CTNND2: variants seen among roughly 807,000 people sequenced by gnomAD.
The protein encoded by CTNND2 is catenin delta 2, also known as catenin delta-2.
In CTNND2, 22 loss-of-function variants were observed where a neutral mutation model predicts 144.4. That is an observed-to-expected ratio of 0.15 (90% CI 0.11 to 0.22). The LOEUF is 0.22. CTNND2 is among the 10% of genes least tolerant of loss of function. The pLI is 1.00. For missense variants in CTNND2, 1,353 were observed against 1,618.8 expected, an observed-to-expected ratio of 0.84 and a Z score of 2.82; for synonymous variants, 751 against 695.6, an observed-to-expected ratio of 1.08 and a Z score of -1.25.
At chr5:11,305,108 G>A (rs1178265021) in intron 9 of CTNND2, among the ~76,000 whole-genome samples, 1 of 152,178 alleles carries the variant, frequency 6.6e-6, no homozygotes, top group Non-Finnish European at 1.5e-5. Flanking sequence ...TGTCTTACCA[G>A]GTGCTAATGT....
At chr5:10,975,004 T>A (rs1738622247) in intron 21 of CTNND2, among the ~76,000 whole-genome samples, 1 of 152,182 alleles carries the variant, frequency 6.6e-6, no homozygotes, top group Non-Finnish European at 1.5e-5. Context: ...GGTAGCTGAA[T>A]GAATGAGGTT....
At chr5:11,260,222 CA>C (rs1187902618) in intron 9 of CTNND2, among the ~76,000 whole-genome samples, 2 of 152,124 alleles carry the variant, frequency 1.3e-5, no homozygotes, top group Non-Finnish European at 2.9e-5. Context: ...GACAAAGACT[CA>C]TGCTGAGAGG....
Position 11,022,832 on chromosome 5 carries a change from T to G in CTNND2, c.2936A>C (p.Lys979Thr). ...EVITKNMENA[K>T]ALRDAGGIEK... is the part of the protein sequence containing the mutation. ...GATGCCACCGGCATCCCGTAAGGCC[T>G]TGGCGTTCTCCATGTTCTTGGTAAT... Residue 979 changes from lysine (K) to threonine (T), a missense_variant, in exon 17 of 22, where the codon AAG (lysine) becomes ACG (threonine). Lys to Thr is a moderately conservative substitution (Grantham distance 78). This residue lies in a region of CTNND2 where 459 missense variants were observed against 674.3 expected (regional missense o/e 0.68). Coordinates refer to ENST00000304623, the MANE Select transcript of CTNND2 (RefSeq NM_001332.4). 2.5e-6 allele frequency: 4 copies of G among 1,614,248 alleles called. No homozygotes were observed. Among genetic ancestry groups the G allele is most frequent in the Non-Finnish European group, 3.4e-6 (4 of 1,180,026 alleles).
intron 2 of CTNND2, among the ~76,000 whole-genome samples, chr5:11,649,359 C>A (rs1782532068): frequency 6.6e-6 from 1 of 152,060 alleles, no homozygotes; most frequent in Non-Finnish European, 1.5e-5. Flanking sequence ...GCTCTGTCAC[C>A]CAGGCTGGAG....
chr5:11,427,199 T>C (rs897632706), intron 3 of CTNND2, among the ~76,000 whole-genome samples: 1 of 152,046 alleles, frequency 6.6e-6, no homozygotes, highest in Admixed American at 6.6e-5. Flanking sequence ...CTATGACGAG[T>C]TGAGAGCAAG....
chr5:11,563,220 A>T (rs1776813716), intron 3 of CTNND2, among the ~76,000 whole-genome samples: 1 of 152,216 alleles, frequency 6.6e-6, no homozygotes, highest in Admixed American at 6.5e-5. Flanking sequence ...AAAGGTATAC[A>T]ACATGGGAAA....
chr5:11,362,795 T>C (rs750502589), intron 8 of CTNND2, among the ~76,000 whole-genome samples: 61 of 152,236 alleles, frequency 4.0e-4, no homozygotes, highest in South Asian at 8.3e-4. Flanking sequence ...TCATTCTGGA[T>C]AGCTCTCCAT....
intron 9 of CTNND2, among the ~76,000 whole-genome samples, chr5:11,270,574 GA>G (rs1745897846): frequency 6.6e-6 from 1 of 151,964 alleles, no homozygotes; most frequent in Admixed American, 6.6e-5. Context: ...ATTCAACAGG[GA>G]GACAATAGAT....
intron 2 of CTNND2, among the ~76,000 whole-genome samples, chr5:11,637,126 T>G (rs1338681140): frequency 6.6e-6 from 1 of 152,182 alleles, no homozygotes; most frequent in Non-Finnish European, 1.5e-5. Context: ...TATATATTTT[T>G]TAAGAAAAAA....
chr5:11,522,985 T>A (rs922924107), intron 3 of CTNND2, among the ~76,000 whole-genome samples: 6 of 152,218 alleles, frequency 3.9e-5, no homozygotes, highest in African/African-American at 1.4e-4. Flanking sequence ...CCAACATTTC[T>A]GATATCAAGT....
chr5:11,588,860 G>A (rs977700637), intron 2 of CTNND2: 16 of 985,172 alleles, frequency 1.6e-5, no homozygotes, highest in Middle Eastern at 5.1e-4. Flanking sequence ...TGGAGCAGGC[G>A]GTTCCTGGCA....
At chr5:11,273,332 G>A (rs1163877655) in intron 9 of CTNND2, among the ~76,000 whole-genome samples, 2 of 152,064 alleles carry the variant, frequency 1.3e-5, no homozygotes, top group African/African-American at 4.8e-5. Context: ...GTCTCAAGTG[G>A]ACACATGGGG....
intron 3 of CTNND2, among the ~76,000 whole-genome samples, chr5:11,428,922 T>C (rs567178496): frequency 4.6e-5 from 7 of 152,350 alleles, no homozygotes; most frequent in Admixed American, 4.6e-4. Flanking sequence ...TATATTAATA[T>C]TAAATACTTT....
At chr5:11,364,928 G>C in intron 7 of CTNND2, 38 bp from the exon 8 acceptor site, 1 of 1,550,662 alleles carries the variant, frequency 6.4e-7, no homozygotes, top group South Asian at 1.2e-5. Context: ...AAGCTCAGGC[G>C]ACCTCCAAAC....
intron 2 of CTNND2, among the ~76,000 whole-genome samples, chr5:11,621,259 A>G (rs553018767): frequency 1.3e-5 from 2 of 152,238 alleles, no homozygotes; most frequent in African/African-American, 4.8e-5. Context: ...GTGGATAATT[A>G]CTGGTAATAT....
At chr5:11,844,202 A>C (rs1280709013) in intron 1 of CTNND2, among the ~76,000 whole-genome samples, 1 of 152,186 alleles carries the variant, frequency 6.6e-6, no homozygotes, top group Non-Finnish European at 1.5e-5. Context: ...ATTTATTTTA[A>C]TAAAATAGGT....
At chr5:11,831,864 G>C (rs1243458429) in intron 1 of CTNND2, among the ~76,000 whole-genome samples, 1 of 152,006 alleles carries the variant, frequency 6.6e-6, no homozygotes, top group African/African-American at 2.4e-5. Flanking sequence ...GTTAATCATA[G>C]ATCTAATGTA....
chr5:11,028,396 A>AATTTACC (rs1743087543), intron 16 of CTNND2, among the ~76,000 whole-genome samples: 2 of 152,230 alleles, frequency 1.3e-5, no homozygotes, highest in Admixed American at 1.3e-4. Flanking sequence ...ATACTTATAA[A>AATTTACC]ATTTACCATT....
intron 3 of CTNND2, among the ~76,000 whole-genome samples, chr5:11,526,380 T>C (rs1050318100): frequency 1.3e-5 from 2 of 152,220 alleles, no homozygotes; most frequent in African/African-American, 4.8e-5. Context: ...AAATTGGTTC[T>C]GTCATATGTT....
Sources: allele counts gnomAD v4.1 joint callset (sites outside exome capture counted in the v4.1 genomes callset), GRCh38; gene constraint gnomAD v4.1.1; regional missense constraint gnomAD v4.1.1; transcripts MANE v1.5; gene names NCBI Gene and HGNC (gene_info 2026-07-23, HGNC 2026-07-21).